DNER: variants seen among roughly 807,000 people sequenced by gnomAD.
DNER encodes delta and Notch-like epidermal growth factor-related receptor.
In DNER, 33 loss-of-function variants were observed where a neutral mutation model predicts 78.2. The observed-to-expected ratio is 0.42, with a 90% CI of 0.32 to 0.56. The LOEUF (loss-of-function observed/expected upper bound fraction) is 0.56, where lower values mean the gene tolerates loss of function less well. Ranked by LOEUF, DNER falls within the 20% of genes least tolerant of loss-of-function variation. DNER has a pLI of 0.11. For synonymous variants in DNER, 417 were observed against 384.8 expected (o/e 1.08, Z -0.98); for missense variants, 918 against 975.3 (o/e 0.94, Z 0.78).
chr2:229,387,830 C>T (rs1692925737), intron 11 of DNER, among the ~76,000 whole-genome samples: 1 of 151,790 alleles, frequency 6.6e-6, no homozygotes, highest in Non-Finnish European at 1.5e-5. Context: ...TTTGAAGACA[C>T]TTGAACACAT....
chr2:229,654,899 A>G (rs1485139510), intron 1 of DNER, among the ~76,000 whole-genome samples: 1 of 152,210 alleles, frequency 6.6e-6, no homozygotes, highest in African/African-American at 2.4e-5. Flanking sequence ...TGGTGACCCA[A>G]CTAGAAGTGT....
chr2:229,668,967 G>A (rs757305487), intron 1 of DNER, among the ~76,000 whole-genome samples: 1 of 151,918 alleles, frequency 6.6e-6, no homozygotes, highest in Non-Finnish European at 1.5e-5. Context: ...CTTGGAACCA[G>A]ACCAAATGCT....
intron 1 of DNER, among the ~76,000 whole-genome samples, chr2:229,632,486 G>T (rs987549560): frequency 6.6e-6 from 1 of 152,110 alleles, no homozygotes; most frequent in Non-Finnish European, 1.5e-5. Context: ...GCACTAACTG[G>T]TACACAAATA....
At chr2:229,681,842 ACACACACACAC>A (rs534743972) in intron 1 of DNER, among the ~76,000 whole-genome samples, 224 of 151,588 alleles carry the variant, frequency 1.5e-3, no homozygotes, top group African/African-American at 5.2e-3. Context: ...ACACACACAC[ACACACACACAC>A]ACACACACAC....
At chr2:229,380,991 G>T (rs559312113) in intron 11 of DNER, among the ~76,000 whole-genome samples, 1 of 152,026 alleles carries the variant, frequency 6.6e-6, no homozygotes, top group South Asian at 2.1e-4. Flanking sequence ...CAAAATGGCC[G>T]AATAGGAACA....
chr2:229,375,594 A>T (rs1692579707), intron 11 of DNER, among the ~76,000 whole-genome samples: 1 of 152,184 alleles, frequency 6.6e-6, no homozygotes, highest in African/African-American at 2.4e-5. Flanking sequence ...ATTGCTTCCA[A>T]GGGGAAAAGT....
chr2:229,603,122 A>T (rs1443804699), intron 1 of DNER, among the ~76,000 whole-genome samples: 2 of 152,220 alleles, frequency 1.3e-5, no homozygotes, highest in Non-Finnish European at 2.9e-5. Flanking sequence ...TCCAATGAGA[A>T]AAAAATGAAG....
At chr2:229,624,496 TAA>T (rs5839343) in intron 1 of DNER, among the ~76,000 whole-genome samples, 20 of 151,176 alleles carry the variant, frequency 1.3e-4, no homozygotes, top group Admixed American at 6.6e-4. Flanking sequence ...TATAATAAAC[TAA>T]AAAAAAAATA....
intron 1 of DNER, among the ~76,000 whole-genome samples, chr2:229,662,119 A>G (rs1220000009): frequency 2.6e-5 from 4 of 152,228 alleles, no homozygotes; most frequent in Non-Finnish European, 4.4e-5. Context: ...AGGGTATGCT[A>G]CCTTCAAAAG....
chr2:229,489,649 C>T (rs1695354988), intron 6 of DNER, among the ~76,000 whole-genome samples: 1 of 151,812 alleles, frequency 6.6e-6, no homozygotes, highest in Middle Eastern at 3.2e-3. Context: ...GGAAGCCATC[C>T]ACCTTGAGGT....
At chr2:229,536,666 A>G (rs1696411172) in intron 5 of DNER, among the ~76,000 whole-genome samples, 1 of 152,258 alleles carries the variant, frequency 6.6e-6, no homozygotes, top group Admixed American at 6.5e-5. Context: ...GCTCTTGGGC[A>G]TAAAAATCCA....
intron 1 of DNER, among the ~76,000 whole-genome samples, chr2:229,668,479 G>C (rs1341172151): frequency 1.7e-5 from 2 of 116,110 alleles, no homozygotes; most frequent in African/African-American, 7.0e-5. Flanking sequence ...CATATATATA[G>C]GTAAGTATAT....
chr2:229,599,189 A>G (rs1052009807), intron 1 of DNER, among the ~76,000 whole-genome samples: 9 of 152,166 alleles, frequency 5.9e-5, no homozygotes, highest in Admixed American at 6.5e-5. Context: ...GAAGTGGAGA[A>G]GAAGATAGAG....
intron 1 of DNER, among the ~76,000 whole-genome samples, chr2:229,703,397 C>CTT (rs1699780993): frequency 6.6e-6 from 1 of 152,126 alleles, no homozygotes; most frequent in Non-Finnish European, 1.5e-5. Flanking sequence ...AAGAGACGAT[C>CTT]TTAAAATGGG....
intron 6 of DNER, 107 bp downstream of exon 6, chr2:229,512,676 T>A: frequency 6.8e-7 from 1 of 1,464,760 alleles, no homozygotes; most frequent in South Asian, 1.3e-5. Flanking sequence ...AACTTACTCA[T>A]GTAACCAAGT....
intron 6 of DNER, among the ~76,000 whole-genome samples, chr2:229,492,145 ATCCCTGG>A (rs1695414241): frequency 6.6e-6 from 1 of 152,144 alleles, no homozygotes; most frequent in Admixed American, 6.5e-5. Flanking sequence ...ACCCAGAAAA[ATCCCTGG>A]CACATAGTAC....
At chr2:229,558,273 T>A (rs1405633096) in intron 4 of DNER, among the ~76,000 whole-genome samples, 1 of 152,080 alleles carries the variant, frequency 6.6e-6, no homozygotes. Context: ...GAATAACTAA[T>A]GAGTACAAGG....
At chr2:229,537,050 C>G (rs992547678) in intron 5 of DNER, among the ~76,000 whole-genome samples, 2 of 152,076 alleles carry the variant, frequency 1.3e-5, no homozygotes. Flanking sequence ...GCCTTTAGTG[C>G]GTTGGTGTAA....
At chr2:229,564,501 CCAT>C (rs1221648917) in intron 4 of DNER, among the ~76,000 whole-genome samples, 8 of 145,760 alleles carry the variant, frequency 5.5e-5, no homozygotes, top group African/African-American at 7.7e-5. Context: ...CACACCATCA[CCAT>C]CATCATCATC....
Sources: gnomAD v4.1 joint callset for allele counts (sites outside exome capture counted in the v4.1 genomes callset) on GRCh38, gnomAD v4.1.1 for gene constraint, MANE v1.5 for transcripts, NCBI Gene and HGNC (gene_info 2026-07-23, HGNC 2026-07-21) for gene names.